The following PCDH15 variants were observed in gnomAD, a reference collection of about 807,000 sequenced individuals.
PCDH15 encodes protocadherin related 15.
Under a neutral mutation model 178.5 loss-of-function variants are expected in PCDH15, and 129 were observed. The observed-to-expected ratio is 0.72, with a 90% CI of 0.63 to 0.84. The LOEUF (loss-of-function observed/expected upper bound fraction) is 0.84. PCDH15 is among the 40% of genes least tolerant of loss of function. The probability of loss-of-function intolerance (pLI) is 0.00; values close to 1 mark genes in which losing one functional copy is unlikely to be tolerated. For missense variants in PCDH15, 2,230 were observed against 2,099.9 expected (o/e 1.06, Z -1.21); for synonymous variants, 800 against 732.0 (o/e 1.09, Z -1.50).
At chr10:54,219,843 ATAGT>A (rs2052587813) in intron 9 of PCDH15, among the ~76,000 whole-genome samples, 1 of 152,038 alleles carries the variant, frequency 6.6e-6, no homozygotes, top group Non-Finnish European at 1.5e-5. Context: ...TGCTCTAAAA[ATAGT>A]TATTTTATAA....
intron 3 of PCDH15, among the ~76,000 whole-genome samples, chr10:54,844,721 C>T (rs934052075): frequency 1.3e-5 from 2 of 151,892 alleles, no homozygotes; most frequent in Non-Finnish European, 2.9e-5. Flanking sequence ...AAATAAAATT[C>T]AATCTCACTG....
intron 1 of PCDH15, among the ~76,000 whole-genome samples, chr10:54,752,476 C>CAAAAAAAAAAAAAAAAAAAAAA (rs755874514): frequency 6.7e-5 from 6 of 89,778 alleles, no homozygotes; most frequent in South Asian, 3.3e-4. Context: ...GACTCCGTCT[C>CAAAAAAAAAAAAAAAAAAAAAA]AAAAAAAAAA....
chr10:55,426,584 A>C (rs970970883), intron 2 of PCDH15, among the ~76,000 whole-genome samples: 1 of 152,112 alleles, frequency 6.6e-6, no homozygotes, highest in African/African-American at 2.4e-5. Context: ...TGGAAGGGTT[A>C]ACAACTCAGT....
At chr10:54,782,515 C>A (rs1950471611) in intron 1 of PCDH15, among the ~76,000 whole-genome samples, 1 of 152,106 alleles carries the variant, frequency 6.6e-6, no homozygotes, top group Non-Finnish European at 1.5e-5. Context: ...TGTTCTTTTT[C>A]TAATTGATTA....
chr10:54,694,639 G>A lies in PCDH15; in HGVS notation c.-28-30349C>T, dbSNP rs926484158. ...ATTATTATTTGTTATAGAGATCAGC[G>A]GTCTTTGAGATCAACTACTATTGTA... On this transcript the variant is annotated intron_variant, in intron 1 of 37. Transcript: ENST00000644397. Among the ~76,000 whole-genome samples, 7 of 151,934 alleles carry A rather than the reference G, an allele frequency of 4.6e-5. No homozygotes were observed. The South Asian group carries it at 8.3e-4, about 18-fold the overall frequency.
intron 7 of PCDH15, among the ~76,000 whole-genome samples, chr10:54,321,044 T>G (rs2061568956): frequency 2.0e-5 from 3 of 149,034 alleles, no homozygotes; most frequent in African/African-American, 2.5e-5. Flanking sequence ...GGTGGTAAAC[T>G]TTTGTTACAT....
chr10:54,543,671 G>C (rs920999031), intron 2 of PCDH15, among the ~76,000 whole-genome samples: 3 of 152,094 alleles, frequency 2.0e-5, no homozygotes, highest in African/African-American at 7.2e-5. Flanking sequence ...CCAATTAAAA[G>C]AAAGTTGACT....
At chr10:54,513,559 A>C (rs901247824) in intron 3 of PCDH15, among the ~76,000 whole-genome samples, 1 of 152,174 alleles carries the variant, frequency 6.6e-6, no homozygotes, top group Non-Finnish European at 1.5e-5. Flanking sequence ...TTTTGTCATC[A>C]TTGTAGACAT....
intron 15 of PCDH15, among the ~76,000 whole-genome samples, chr10:54,111,637 G>A (rs1194602876): frequency 2.6e-5 from 4 of 152,126 alleles, no homozygotes; most frequent in African/African-American, 9.7e-5. Flanking sequence ...CAGAGAACAT[G>A]CAGTATCAGT....
intron 13 of PCDH15, among the ~76,000 whole-genome samples, chr10:54,165,778 CTTAAA>C (rs1409688506): frequency 1.3e-5 from 2 of 152,142 alleles, no homozygotes; most frequent in African/African-American, 4.8e-5. Context: ...AGGTAGCCAT[CTTAAA>C]TTAATTTATA....
intron 2 of PCDH15, among the ~76,000 whole-genome samples, chr10:54,942,719 C>T (rs1044769796): frequency 1.7e-4 from 26 of 151,898 alleles, no homozygotes; most frequent in African/African-American, 4.3e-4. Flanking sequence ...TTATAGAGTG[C>T]GGAGCCTGAA....
At chr10:54,348,836 C>T (rs547348825) in intron 5 of PCDH15, among the ~76,000 whole-genome samples, 13 of 152,264 alleles carry the variant, frequency 8.5e-5, no homozygotes, top group Admixed American at 2.6e-4. Context: ...CAATCCATAT[C>T]CCAGCCCCTA....
intron 18 of PCDH15, among the ~76,000 whole-genome samples, chr10:54,051,132 T>G (rs1049337180): frequency 2.6e-5 from 4 of 152,102 alleles, no homozygotes; most frequent in African/African-American, 9.7e-5. Flanking sequence ...CCGTCTCGAG[T>G]ATGTCTTTAT....
chr10:54,237,283 T>G (rs892198679), intron 8 of PCDH15, among the ~76,000 whole-genome samples: 2 of 152,162 alleles, frequency 1.3e-5, no homozygotes, highest in Admixed American at 1.3e-4. Flanking sequence ...GTTTTCTCTT[T>G]GCTTTAGACA....
Position 54,941,332 on chromosome 10 carries a change from T to C in PCDH15, c.-79-43832A>G, listed in dbSNP as rs532467203. On this transcript the variant is annotated intron_variant, in intron 2 of 5. Transcript: ENST00000458638. ...TTTTGTGCTACAATTTTATACATATTACATTGTACAATGATTATTTTACTT... is the reference window on the plus strand; with the variant it reads ...TTTTGTGCTACAATTTTATACATATCACATTGTACAATGATTATTTTACTT... Among the ~76,000 whole-genome samples the C allele has an allele frequency of 3.9e-5, 6 of 152,196 alleles. No individual in the cohort carries two copies. In the East Asian group the frequency reaches 1.2e-3, roughly 29 times the overall value.
chr10:54,543,481 C>T (rs2085493936), intron 2 of PCDH15, among the ~76,000 whole-genome samples: 1 of 152,156 alleles, frequency 6.6e-6, no homozygotes, highest in Non-Finnish European at 1.5e-5. Context: ...ATCCACACCC[C>T]CAACGCATGC....
At chr10:55,367,051 GA>G (rs1228687553) in intron 2 of PCDH15, among the ~76,000 whole-genome samples, 1 of 151,750 alleles carries the variant, frequency 6.6e-6, no homozygotes, top group East Asian at 1.9e-4. Context: ...GGGATTATGG[GA>G]TTACGGGATT....
intron 1 of PCDH15, among the ~76,000 whole-genome samples, chr10:54,721,651 C>T (rs1022940295): frequency 6.6e-6 from 1 of 151,802 alleles, no homozygotes. Flanking sequence ...AAACAGACAA[C>T]TTCCCAAGAT....
At chr10:53,993,496 G>A (rs1408911471) in intron 21 of PCDH15, among the ~76,000 whole-genome samples, 2 of 152,090 alleles carry the variant, frequency 1.3e-5, no homozygotes, top group Non-Finnish European at 1.5e-5. Context: ...CCAGGTAGTG[G>A]TATAGGATCC....
Sources: allele counts gnomAD v4.1 joint callset (sites outside exome capture counted in the v4.1 genomes callset), GRCh38; gene constraint gnomAD v4.1.1; transcripts MANE v1.5; gene names NCBI Gene and HGNC (gene_info 2026-07-23, HGNC 2026-07-21).